Variants in ENTPD1 observed in about 807,000 individuals in gnomAD.
ENTPD1 encodes the protein ATP diphosphohydrolase.
ENTPD1 carries 33 observed loss-of-function variants against 57.0 expected under a neutral mutation model. The ratio of observed to expected loss-of-function variants is 0.58; its 90% CI spans 0.44 to 0.77. ENTPD1 has a LOEUF of 0.77. Ranked by LOEUF, ENTPD1 falls within the 30% of genes least tolerant of loss-of-function variation. The probability of loss-of-function intolerance (pLI) is 0.00; values close to 1 mark genes in which losing one functional copy is unlikely to be tolerated. For synonymous variants in ENTPD1, 202 were observed against 218.8 expected (o/e 0.92, Z 0.68); for missense variants, 501 against 603.4 (o/e 0.83, Z 1.78).
At chr10:95,829,153 C>T (rs964875667) in intron 2 of ENTPD1, among the ~76,000 whole-genome samples, 3 of 152,204 alleles carry the variant, frequency 2.0e-5, no homozygotes, top group African/African-American at 4.8e-5. Flanking sequence ...CCAAACAGCA[C>T]ATCCTATTAA....
chr10:95,780,769 A>T (rs1212772520), intron 1 of ENTPD1, among the ~76,000 whole-genome samples: 1 of 152,210 alleles, frequency 6.6e-6, no homozygotes, highest in East Asian at 1.9e-4. Flanking sequence ...AGGGAAGTAC[A>T]TTCTTGGTCT....
In ENTPD1 at chr10:95,842,388, A is replaced by G; in HGVS notation, c.307A>G (p.Ile103Val). The change falls in exon 4 of 10, where the codon ATT (isoleucine) becomes GTT (valine). Residue 103 changes from isoleucine (I) to valine (V), a missense_variant. Transcript: ENST00000371205. ...TGTTCAGAAAGTAAATGAAATAGGCATTTACCTGACTGATTGCATGGAAAG... is the reference window on the plus strand; with the variant it reads ...TGTTCAGAAAGTAAATGAAATAGGCGTTTACCTGACTGATTGCATGGAAAG... ...KFVQKVNEIG[I>V]YLTDCMERAR... 6.2e-7 allele frequency: 1 copy of G among 1,614,082 alleles called. No homozygotes were observed. The highest frequency in any genetic ancestry group is 8.5e-7 in the Non-Finnish European group (1 of 1,179,986).
intron 2 of ENTPD1, among the ~76,000 whole-genome samples, chr10:95,826,940 A>G (rs1036305516): frequency 1.3e-5 from 2 of 152,194 alleles, no homozygotes; most frequent in African/African-American, 4.8e-5. Context: ...TGGAAAGCCA[A>G]TGGGAAATGT....
intron 1 of ENTPD1, among the ~76,000 whole-genome samples, chr10:95,775,827 A>G (rs1420600481): frequency 6.6e-6 from 1 of 152,116 alleles, no homozygotes; most frequent in Non-Finnish European, 1.5e-5. Flanking sequence ...GTGCTCCTGT[A>G]TTGGGTGCAT....
At chr10:95,766,584 ACT>A (rs1402361047) in intron 1 of ENTPD1, among the ~76,000 whole-genome samples, 1 of 152,056 alleles carries the variant, frequency 6.6e-6, no homozygotes, top group African/African-American at 2.4e-5. Context: ...TATTGAAATA[ACT>A]CTTTTTATCT....
chr10:95,708,203 A>G (rs2097963277), upstream of ENTPD1, among the ~76,000 whole-genome samples: 1 of 123,826 alleles, frequency 8.1e-6, no homozygotes, highest in African/African-American at 2.9e-5. Flanking sequence ...TTTAATTTTT[A>G]TTTATTTTTA....
At chr10:95,712,069 C>G in intron 1 of ENTPD1, 1 of 1,599,154 alleles carries the variant, frequency 6.3e-7, no homozygotes, top group South Asian at 1.1e-5. Flanking sequence ...GTAAAAATCA[C>G]TGTTTGTCTC....
At chr10:95,710,905 G>A (rs962432047), upstream of ENTPD1, among the ~76,000 whole-genome samples, 5 of 152,080 alleles carry the variant, frequency 3.3e-5, no homozygotes, top group African/African-American at 1.2e-4. Flanking sequence ...ATAGCCAAAA[G>A]ATGACATTGC....
rs564815809 is a variant in ENTPD1 at position 95,823,091 on chromosome 10, T to C, written c.17-146T>C. ...TTCTTGAATTATTTCCCAATTACTCTGTAAGTACCTCATTGATAAAAAAGA... is the reference window on the plus strand; with the variant it reads ...TTCTTGAATTATTTCCCAATTACTCCGTAAGTACCTCATTGATAAAAAAGA... On this transcript the variant is annotated intron_variant, in intron 1 of 9. Transcript: ENST00000371205. The C allele has an allele frequency of 7.9e-6, 7 of 888,770 alleles. No individual in the cohort carries two copies. In the Admixed American group the frequency reaches 1.6e-4, roughly 20 times the overall value. The allele number at this position is 888,770 out of a possible 1,614,324, so 55.1% of individuals were successfully genotyped here. A position where few individuals can be genotyped will look rare whatever the true frequency, so the allele number is the denominator to read the frequency against.
chr10:95,699,803 A>G, the ENTPD1 span, among the ~76,000 whole-genome samples: 1 of 152,290 alleles, frequency 6.6e-6, no homozygotes, highest in East Asian at 1.9e-4. Context: ...AGTATGGAAG[A>G]TTTTTCATAC....
rs1478330705 is a variant in ENTPD1, at chr10:95,847,583, G to A, written c.951G>A (p.Gln317=). The part of the protein sequence containing the change: ...MTLPFQQFEI[Q]GIGNYQQCHQ... ...TTCCATTCCAGCAGTTTGAAATCCA[G>A]GGTATTGGAAACTATCAACAATGCC... The change falls in exon 7 of 10, where the codon CAG becomes CAA. Residue 317 remains glutamine, a synonymous_variant. Transcript: ENST00000371205. The A allele has an allele frequency of 6.2e-6, 10 of 1,614,116 alleles. No homozygotes were observed. The South Asian group carries it at 9.9e-5, about 16-fold the overall frequency.
intron 1 of ENTPD1, among the ~76,000 whole-genome samples, chr10:95,748,858 T>A (rs1170421482): frequency 6.6e-6 from 1 of 152,232 alleles, no homozygotes; most frequent in Non-Finnish European, 1.5e-5. Flanking sequence ...TATTGATTGT[T>A]TTAGTCTAGT....
intron 7 of ENTPD1, among the ~76,000 whole-genome samples, chr10:95,859,045 T>A (rs996832563): frequency 1.3e-5 from 2 of 152,138 alleles, no homozygotes; most frequent in Non-Finnish European, 2.9e-5. Context: ...TAGTATGAAC[T>A]CCTGTTGGGA....
intron 7 of ENTPD1, among the ~76,000 whole-genome samples, chr10:95,848,411 G>T (rs188934136): frequency 6.6e-6 from 1 of 152,084 alleles, no homozygotes; most frequent in African/African-American, 2.4e-5. Context: ...GCAGAATCGG[G>T]GGAGAGGTGA....
intron 6 of ENTPD1, chr10:95,846,007 G>GAA (rs61643094): frequency 0.012 from 1,788 of 155,418 alleles, 12 homozygotes; most frequent in Non-Finnish European, 0.018. Context: ...AGAGGAGAAG[G>GAA]AAAAAAAAAA....
In ENTPD1 at chr10:95,867,366, A is replaced by C. The variant is rs2098475631; in HGVS notation, c.*983A>C. The C allele has an allele frequency of 5.1e-6, 5 of 985,466 alleles. No individual in the cohort carries two copies. Among genetic ancestry groups the C allele is most frequent in the Non-Finnish European group, 6.0e-6 (5 of 829,942 alleles). 61.0% of individuals were successfully genotyped at this position (985,466 alleles called of 1,614,324 possible). ...CATCAATACATTGTCTAGAGACAAG[A>C]CTATCCTGGGTAGGCAGAAACCATA... On this transcript the variant is annotated 3_prime_UTR_variant, in exon 10 of 10. Transcript: ENST00000371205.
At chr10:95,721,311 A>G (rs371792812) in intron 1 of ENTPD1, among the ~76,000 whole-genome samples, 54 of 152,272 alleles carry the variant, frequency 3.5e-4, no homozygotes, top group East Asian at 3.5e-3. Context: ...CTGCATCCCA[A>G]TGAGGGTTTA....
At chr10:95,859,307 CCTGTTTCTTTGCCTACCAAAACT>C (rs1250485719) in intron 7 of ENTPD1, among the ~76,000 whole-genome samples, 1 of 152,208 alleles carries the variant, frequency 6.6e-6, no homozygotes, top group African/African-American at 2.4e-5. Flanking sequence ...TCTGCTACCT[CCTGTTTCTTTGCCTACCAAAACT>C]CTGTTTCTTT....
intron 1 of ENTPD1, among the ~76,000 whole-genome samples, chr10:95,722,537 A>G (rs908749587): frequency 1.3e-5 from 2 of 152,052 alleles, no homozygotes; most frequent in Non-Finnish European, 2.9e-5. Context: ...TCAGTAAACT[A>G]TCGCAAGAAC....
Sources: allele counts gnomAD v4.1 joint callset (sites outside exome capture counted in the v4.1 genomes callset), GRCh38; gene constraint gnomAD v4.1.1; transcripts MANE v1.5; gene names NCBI Gene and HGNC (gene_info 2026-07-23, HGNC 2026-07-21).